Variants in CCSER1 observed in about 807,000 individuals in gnomAD.
The protein encoded by CCSER1 is coiled-coil serine rich protein 1, also known as serine-rich coiled-coil domain-containing protein 1.
In CCSER1, 41 loss-of-function variants were observed where a neutral mutation model predicts 82.0. The ratio of observed to expected loss-of-function variants is 0.50; its 90% CI spans 0.39 to 0.65. The LOEUF is 0.65. Ranked by LOEUF, CCSER1 falls within the 30% of genes least tolerant of loss-of-function variation. CCSER1 has a pLI of 0.00. For missense variants in CCSER1, 1,119 were observed against 1,064.2 expected (o/e 1.05, Z -0.72); for synonymous variants, 414 against 383.9 (o/e 1.08, Z -0.92).
intron 10 of CCSER1, among the ~76,000 whole-genome samples, chr4:91,271,643 T>A (rs561184106): frequency 1.3e-5 from 2 of 152,218 alleles, no homozygotes; most frequent in East Asian, 3.9e-4. Context: ...CCATCATATA[T>A]ATGATATACA....
At chr4:90,831,872 C>G (rs950438987) in intron 8 of CCSER1, among the ~76,000 whole-genome samples, 2 of 151,986 alleles carry the variant, frequency 1.3e-5, no homozygotes, top group African/African-American at 4.8e-5. Flanking sequence ...TCAATATAGC[C>G]TTTTTGATAT....
chr4:90,270,666 T>C (rs1434163770), intron 1 of CCSER1, among the ~76,000 whole-genome samples: 1 of 151,076 alleles, frequency 6.6e-6, no homozygotes, highest in Non-Finnish European at 1.5e-5. Flanking sequence ...TACTGTCTGA[T>C]TGAAAGAAAT....
At chr4:90,552,540 C>A (rs1777642012) in intron 5 of CCSER1, among the ~76,000 whole-genome samples, 1 of 152,092 alleles carries the variant, frequency 6.6e-6, no homozygotes, top group African/African-American at 2.4e-5. Flanking sequence ...TCACTGCAAC[C>A]TCCACTTCCC....
chr4:90,584,849 T>A (rs1040356148), intron 5 of CCSER1, among the ~76,000 whole-genome samples: 6 of 152,026 alleles, frequency 3.9e-5, no homozygotes, highest in African/African-American at 1.4e-4. Context: ...TGACAAAATC[T>A]TTTTTTTAAA....
At chr4:91,165,867 C>A (rs560710304) in intron 10 of CCSER1, among the ~76,000 whole-genome samples, 1 of 152,188 alleles carries the variant, frequency 6.6e-6, no homozygotes, top group African/African-American at 2.4e-5. Flanking sequence ...AAGGGAAATC[C>A]CCCAACCCAT....
chr4:90,308,094 A>C (rs1171368620), intron 1 of CCSER1, 150 bp from the exon 2 acceptor site: 4 of 536,594 alleles, frequency 7.5e-6, no homozygotes, highest in Admixed American at 3.8e-5. Flanking sequence ...AAATTCAAAA[A>C]ATCTTTATTA....
Position 91,317,589 on chromosome 4 carries a change from CGTGTGTGTGTGTGCGT to C in CCSER1, c.2217+231611_2217+231626del, listed in dbSNP as rs377534941. ...AAACATTTAGGAAACAAAGTATATA[CGTGTGTGTGTGTGCGT>C]GTGTGTGTGTGTGCGCATGTGGGTG... On this transcript the variant is annotated intron_variant, in intron 10 of 10. Transcript: ENST00000509176. Among the ~76,000 whole-genome samples the C allele has an allele frequency of 5.4e-3, 820 of 150,816 alleles. 6 individuals carry two copies. The highest frequency in any genetic ancestry group is 0.018 in the African/African-American group (752 of 41,032).
At chr4:90,665,580 C>T (rs1408114599) in intron 6 of CCSER1, among the ~76,000 whole-genome samples, 1 of 152,108 alleles carries the variant, frequency 6.6e-6, no homozygotes, top group Non-Finnish European at 1.5e-5. Context: ...CTCGGCCTCC[C>T]AAAGTGCTGG....
At chr4:91,024,769 G>A (rs1260195836) in intron 9 of CCSER1, among the ~76,000 whole-genome samples, 3 of 152,068 alleles carry the variant, frequency 2.0e-5, no homozygotes, top group East Asian at 1.9e-4. Context: ...ATGCAAACTT[G>A]TAGACATTTT....
intron 1 of CCSER1, among the ~76,000 whole-genome samples, chr4:90,163,746 G>T (rs1382219735): frequency 6.6e-6 from 1 of 151,940 alleles, no homozygotes; most frequent in Non-Finnish European, 1.5e-5. Context: ...TATTATAAAT[G>T]CTCTAACTTT....
chr4:90,920,169 C>A (rs941612498), intron 8 of CCSER1, among the ~76,000 whole-genome samples: 2 of 151,828 alleles, frequency 1.3e-5, no homozygotes, highest in Admixed American at 1.3e-4. Flanking sequence ...AGCACACTTC[C>A]GCGGTTTGTC....
intron 9 of CCSER1, among the ~76,000 whole-genome samples, chr4:91,045,246 T>C (rs1156323712): frequency 4.6e-5 from 7 of 152,226 alleles, no homozygotes; most frequent in African/African-American, 1.7e-4. Context: ...AATTCTTGAA[T>C]AAATTTTAAA....
intron 3 of CCSER1, among the ~76,000 whole-genome samples, chr4:90,318,724 T>A (rs933617611): frequency 6.6e-6 from 1 of 152,234 alleles, no homozygotes; most frequent in Non-Finnish European, 1.5e-5. Context: ...ACTTTTCTTC[T>A]GGGGCCTGCT....
At chr4:91,148,821 T>C (rs2148947065) in intron 10 of CCSER1, among the ~76,000 whole-genome samples, 1 of 152,296 alleles carries the variant, frequency 6.6e-6, no homozygotes, top group East Asian at 1.9e-4. Flanking sequence ...AACTCATCCT[T>C]TTTTATGGCT....
At chr4:90,391,819 A>AT (rs901040473) in intron 3 of CCSER1, among the ~76,000 whole-genome samples, 2 of 151,600 alleles carry the variant, frequency 1.3e-5, no homozygotes, top group African/African-American at 4.8e-5. Context: ...CTTTTCCCAG[A>AT]TTTTTTTTAT....
At chr4:90,140,878 G>A (rs948135506) in intron 1 of CCSER1, among the ~76,000 whole-genome samples, 4 of 151,640 alleles carry the variant, frequency 2.6e-5, no homozygotes, top group Non-Finnish European at 5.9e-5. Context: ...TATTGGCCAG[G>A]ATGGTCTCGA....
chr4:91,450,436 G>A (rs1310449036), intron 10 of CCSER1, among the ~76,000 whole-genome samples: 3 of 151,982 alleles, frequency 2.0e-5, no homozygotes, highest in Non-Finnish European at 4.4e-5. Context: ...TTACTCTGTA[G>A]CCCTAAACAA....
At chr4:90,231,459 A>C (rs1210668620) in intron 1 of CCSER1, among the ~76,000 whole-genome samples, 1 of 149,816 alleles carries the variant, frequency 6.7e-6, no homozygotes, top group African/African-American at 2.5e-5. Context: ...TTAGGTATTG[A>C]TGGGACGTAT....
intron 10 of CCSER1, among the ~76,000 whole-genome samples, chr4:91,154,212 A>T (rs1730562510): frequency 6.6e-6 from 1 of 151,994 alleles, no homozygotes; most frequent in South Asian, 2.1e-4. Flanking sequence ...CAGGTATGGC[A>T]AACGCCCCTC....
Sources: allele counts gnomAD v4.1 joint callset (sites outside exome capture counted in the v4.1 genomes callset), GRCh38; gene constraint gnomAD v4.1.1; transcripts MANE v1.5; gene names NCBI Gene and HGNC (gene_info 2026-07-23, HGNC 2026-07-21).